TOM1L2: variants seen among roughly 807,000 people sequenced by gnomAD.
TOM1L2 encodes the protein target of myb1 like 2 membrane trafficking protein, also known as TOM1-like protein 2.
In TOM1L2, 31 loss-of-function variants were observed where a neutral mutation model predicts 67.9. That is an observed-to-expected ratio of 0.46 (90% CI 0.34 to 0.62). The LOEUF is 0.62. TOM1L2 is among the 20% of genes least tolerant of loss of function. The pLI is 0.01. For missense variants in TOM1L2, 606 were observed against 663.5 expected (o/e 0.91, Z 0.95); for synonymous variants, 256 against 254.0 (o/e 1.01, Z -0.07).
chr17:17,905,028 A>G (rs2039027683), intron 2 of TOM1L2, among the ~76,000 whole-genome samples: 1 of 152,050 alleles, frequency 6.6e-6, no homozygotes, highest in Non-Finnish European at 1.5e-5. Flanking sequence ...ACATGGCCAG[A>G]TGACTGGACA....
intron 1 of TOM1L2, among the ~76,000 whole-genome samples, chr17:17,911,054 T>C (rs1355309927): frequency 6.6e-6 from 1 of 152,166 alleles, no homozygotes; most frequent in African/African-American, 2.4e-5. Flanking sequence ...GCCAAGCCGC[T>C]GGATTGCGAG....
chr17:17,901,453 G>A (rs368373845), intron 2 of TOM1L2, among the ~76,000 whole-genome samples: 1 of 152,186 alleles, frequency 6.6e-6, no homozygotes, highest in African/African-American at 2.4e-5. Flanking sequence ...GCCATGATCA[G>A]GCTCCTCAAA....
At chr17:17,907,150 C>G (rs1241555187) in intron 2 of TOM1L2, among the ~76,000 whole-genome samples, 4 of 152,238 alleles carry the variant, frequency 2.6e-5, no homozygotes, top group African/African-American at 9.6e-5. Context: ...ACTTGGGCTG[C>G]AGAGACTAAT....
chr17:17,954,106 G>T (rs2041325601), intron 1 of TOM1L2, among the ~76,000 whole-genome samples: 2 of 152,236 alleles, frequency 1.3e-5, no homozygotes, highest in South Asian at 4.1e-4. Flanking sequence ...GTGGCAGTGG[G>T]AAGATCTAGG....
intron 7 of TOM1L2, among the ~76,000 whole-genome samples, chr17:17,879,035 G>A (rs901428136): frequency 7.9e-5 from 12 of 152,180 alleles, no homozygotes; most frequent in African/African-American, 2.2e-4. Flanking sequence ...GTCCAGAGGC[G>A]GGGAGGCCAG....
intron 2 of TOM1L2, among the ~76,000 whole-genome samples, chr17:17,907,034 C>A (rs1274848736): frequency 2.6e-5 from 4 of 152,252 alleles, no homozygotes; most frequent in African/African-American, 7.2e-5. Context: ...TGCCCTGGAC[C>A]TCCCTCCATG....
In TOM1L2 at chr17:17,882,762, G is replaced by A. The variant is rs763767594; in HGVS notation, c.603C>T (p.Ser201=). 1.4e-5 allele frequency: 22 copies of A among 1,614,062 alleles called. No individual in the cohort carries two copies. The highest frequency in any genetic ancestry group is 8.8e-5 in the South Asian group (8 of 91,086). Residue 201 remains serine, a synonymous_variant, in exon 6 of 15, where the codon TCC becomes TCT. Coordinates refer to ENST00000379504, the MANE Select transcript of TOM1L2 (RefSeq NM_001082968.2). The stretch of plus-strand genomic sequence containing the variant: ...CACTCAGAGCTGGGGCCTGCGGTGC[G>A]GAGTAGGGAGCAGGAGGCGGCGAGG... ...SYSSPPPAPY[S]APQAPALSVT...
rs774642358 is a variant in TOM1L2, at chr17:17,893,681, T to C, written c.346A>G (p.Lys116Glu). ...CCTACCTGGATCAGAGCAAGCACTT[T>C]GTCCTGTACAATGGTGGGAGGGTTG... ...KNNPPTIVQD[K>E]VLALIQAWAD... The change falls in exon 4 of 15, where the codon AAA (lysine) becomes GAA (glutamate). Residue 116 changes from lysine (K) to glutamate (E), a missense_variant. Physicochemically the swap from Lys to Glu is moderately conservative, Grantham distance 56 (BLOSUM62 1). This residue lies in a region of TOM1L2 where 543 missense variants were observed against 554.0 expected (regional missense o/e 0.98). Transcript: ENST00000379504. 1 of 1,614,156 alleles carries C rather than the reference T, an allele frequency of 6.2e-7. No homozygotes were observed. The highest frequency in any genetic ancestry group is 2.2e-5 in the East Asian group (1 of 44,886).
At chr17:17,851,543 G>A (rs914814347) in intron 12 of TOM1L2, among the ~76,000 whole-genome samples, 7 of 152,182 alleles carry the variant, frequency 4.6e-5, no homozygotes, top group African/African-American at 7.2e-5. Context: ...TGCGTGCTCC[G>A]CTGGGCTGGG....
At chr17:17,861,580 G>T in intron 11 of TOM1L2, 29 bp from the exon 12 acceptor site, 1 of 1,609,386 alleles carries the variant, frequency 6.2e-7, no homozygotes. Context: ...CACAAGCAGA[G>T]TTCATTTTCC....
intron 1 of TOM1L2, among the ~76,000 whole-genome samples, chr17:17,954,966 G>C (rs4413022): frequency 0.5 from 75,680 of 152,060 alleles, 19,958 homozygotes; most frequent in East Asian, 0.86. Context: ...CCTGACCTCC[G>C]TTTCTTTTGC....
At chr17:17,931,097 CCT>C (rs926422833) in intron 1 of TOM1L2, among the ~76,000 whole-genome samples, 12 of 152,142 alleles carry the variant, frequency 7.9e-5, no homozygotes, top group African/African-American at 2.9e-4. Flanking sequence ...ACTTTTGCAG[CCT>C]CTCTTTTCCT....
intron 7 of TOM1L2, among the ~76,000 whole-genome samples, chr17:17,878,004 C>T (rs912615490): frequency 6.6e-6 from 1 of 152,182 alleles, no homozygotes; most frequent in Non-Finnish European, 1.5e-5. Flanking sequence ...GCCAGGAGCA[C>T]GGCTCTATCC....
chr17:17,967,753 G>A (rs1004379219), intron 1 of TOM1L2, among the ~76,000 whole-genome samples: 5 of 152,008 alleles, frequency 3.3e-5, no homozygotes, highest in Admixed American at 3.3e-4. Context: ...GATTATACGC[G>A]CGTGCCACCA....
chr17:17,857,938 C>T (rs746112680), intron 12 of TOM1L2: 52 of 1,276,992 alleles, frequency 4.1e-5, no homozygotes, highest in Non-Finnish European at 5.5e-5. Context: ...ACTCTTCAGA[C>T]GTGATCCTTT....
chr17:17,872,776 C>A (rs559688386), intron 7 of TOM1L2, among the ~76,000 whole-genome samples: 1 of 152,252 alleles, frequency 6.6e-6, no homozygotes, highest in Non-Finnish European at 1.5e-5. Context: ...GACCCACCCC[C>A]TCCAGCAAAC....
intron 1 of TOM1L2, among the ~76,000 whole-genome samples, chr17:17,926,634 G>A (rs1297900627): frequency 2.0e-5 from 3 of 151,946 alleles, no homozygotes; most frequent in Non-Finnish European, 4.4e-5. Context: ...AGGCCGAGGC[G>A]GGCGGATTGC....
intron 7 of TOM1L2, among the ~76,000 whole-genome samples, chr17:17,871,335 C>A (rs1327306961): frequency 2.0e-5 from 3 of 151,964 alleles, no homozygotes; most frequent in Non-Finnish European, 4.4e-5. Flanking sequence ...CACGCCACTG[C>A]ACTCCAGACT....
chr17:17,854,332 G>A (rs573541129), intron 12 of TOM1L2, among the ~76,000 whole-genome samples: 36 of 152,210 alleles, frequency 2.4e-4, no homozygotes, highest in African/African-American at 8.2e-4. Flanking sequence ...GTTGGAGCAG[G>A]GGGCACTGCG....
Sources: gnomAD v4.1 joint callset for allele counts (sites outside exome capture counted in the v4.1 genomes callset) on GRCh38, gnomAD v4.1.1 for gene constraint, gnomAD v4.1.1 regional missense constraint, MANE v1.5 for transcripts, NCBI Gene and HGNC (gene_info 2026-07-23, HGNC 2026-07-21) for gene names.